ITPR2: variants seen among roughly 807,000 people sequenced by gnomAD.
ITPR2 encodes inositol 1,4,5-trisphosphate receptor type 2, also known as inositol 1,4,5-trisphosphate-gated calcium channel ITPR2.
ITPR2 carries 207 observed loss-of-function variants against 317.1 expected under a neutral mutation model. That is an observed-to-expected ratio of 0.65 (90% CI 0.58 to 0.73). The LOEUF (loss-of-function observed/expected upper bound fraction) is 0.73. Ranked by LOEUF, ITPR2 falls within the 30% of genes least tolerant of loss-of-function variation. ITPR2 has a pLI of 0.00. For missense variants in ITPR2, 2,613 were observed against 3,284.0 expected (o/e 0.80, Z 4.99); for synonymous variants, 1,156 against 1,149.1 (o/e 1.01, Z -0.12).
At chr12:26,599,442 T>C (rs1945938179) in intron 29 of ITPR2, 97 bp from the exon 30 acceptor site, 4 of 1,079,394 alleles carry the variant, frequency 3.7e-6, no homozygotes, top group Admixed American at 3.8e-5. Context: ...CAGTTTTATA[T>C]TTTATACGAA....
intron 2 of ITPR2, among the ~76,000 whole-genome samples, chr12:26,758,367 A>G (rs1949565394): frequency 6.6e-6 from 1 of 152,114 alleles, no homozygotes; most frequent in African/African-American, 2.4e-5. Flanking sequence ...TCATTTCCCC[A>G]TTTAGTTTAT....
chr12:26,567,948 TATTATATA>T (rs1182405770), intron 34 of ITPR2, among the ~76,000 whole-genome samples: 9 of 32,248 alleles, frequency 2.8e-4, no homozygotes, highest in African/African-American at 8.3e-4. Context: ...TATATATATA[TATTATATA>T]TATATATATA....
intron 2 of ITPR2, among the ~76,000 whole-genome samples, chr12:26,775,505 C>A (rs1346528724): frequency 6.6e-6 from 1 of 152,060 alleles, no homozygotes; most frequent in African/African-American, 2.4e-5. Context: ...TGACTAAAAG[C>A]AGGAGGAGAG....
At chr12:26,596,819 C>T in intron 31 of ITPR2, 64 bp downstream of exon 31, 1 of 1,386,380 alleles carries the variant, frequency 7.2e-7, no homozygotes, top group South Asian at 1.6e-5. Flanking sequence ...ACTTCTGGCA[C>T]CTAGATAAAC....
intron 32 of ITPR2, among the ~76,000 whole-genome samples, chr12:26,580,561 T>A (rs772123005): frequency 6.6e-6 from 1 of 152,064 alleles, no homozygotes; most frequent in Non-Finnish European, 1.5e-5. Flanking sequence ...AGTTAGTAAC[T>A]CCAAACATTT....
chr12:26,462,486 T>C (rs1336873518), intron 45 of ITPR2, among the ~76,000 whole-genome samples: 4 of 152,068 alleles, frequency 2.6e-5, no homozygotes, highest in Non-Finnish European at 4.4e-5. Context: ...AGTGTTGGGA[T>C]TATAGGCGTG....
chr12:26,588,115 T>G (rs1487301578), intron 32 of ITPR2, among the ~76,000 whole-genome samples: 2 of 152,168 alleles, frequency 1.3e-5, no homozygotes, highest in Non-Finnish European at 2.9e-5. Flanking sequence ...TGGGAATGAA[T>G]AAAGAGTTTG....
chr12:26,512,979 G>A (rs1006076808), intron 37 of ITPR2, among the ~76,000 whole-genome samples: 5 of 151,700 alleles, frequency 3.3e-5, no homozygotes, highest in South Asian at 2.1e-4. Flanking sequence ...CCACCAACTC[G>A]AGTAGCTGGG....
intron 2 of ITPR2, among the ~76,000 whole-genome samples, chr12:26,766,461 A>G (rs1299647566): frequency 1.3e-5 from 2 of 151,940 alleles, no homozygotes; most frequent in African/African-American, 2.4e-5. Flanking sequence ...CCATTTTTCA[A>G]TTGGGTTGTC....
intron 31 of ITPR2, 29 bp downstream of exon 31, chr12:26,596,854 T>C (rs761703159): frequency 4.0e-6 from 6 of 1,509,520 alleles, no homozygotes; most frequent in Non-Finnish European, 5.3e-6. Flanking sequence ...ATGATTCTAT[T>C]AGAGCTGCTA....
At position 26,494,208 on chromosome 12, in the gene ITPR2, G is replaced by A. The variant is rs1942879998; in HGVS notation, c.5315C>T (p.Ser1772Leu). 6.2e-7 allele frequency: 1 copy of A among 1,612,756 alleles called. No homozygotes were observed. Among genetic ancestry groups the A allele is most frequent in the African/African-American group, 1.3e-5 (1 of 74,748 alleles). Residue 1772 changes from serine to leucine, a missense_variant, in exon 39 of 57, where the codon TCA becomes TTA. By Grantham distance (145) the Ser-to-Leu change is moderately radical. This residue lies in a region of ITPR2 where 926 missense variants were observed against 1,072.8 expected (regional missense o/e 0.86). Coordinates refer to ENST00000381340, the MANE Select transcript of ITPR2 (RefSeq NM_002223.4). Reference sequence around the variant, plus strand: ...GGCAATGCCGAGGAAAATGCCTTCTGAAAAAATTCTGTCATTTTTGGTGTT... The same window carrying A: ...GGCAATGCCGAGGAAAATGCCTTCTAAAAAAATTCTGTCATTTTTGGTGTT... ...IVNTKNDRIF[S>L]EGIFLGIALL...
At position 26,657,691 on chromosome 12, in the gene ITPR2, G is replaced by T. The variant is rs1365532228; in HGVS notation, c.2192+16C>A. On this transcript the variant is annotated intron_variant, in intron 18 of 56. Transcript: ENST00000381340. ...TGAGACTGGGAATTATTGTAAGATT[G>T]TCTATAATACTTAACCTGTAATAGG... 1.2e-6 allele frequency: 2 copies of T among 1,604,432 alleles called. No individual in the cohort carries two copies. The highest frequency in any genetic ancestry group is 1.7e-6 in the Non-Finnish European group (2 of 1,172,206).
At chr12:26,436,377 C>T in intron 47 of ITPR2, 31 bp from the exon 48 acceptor site, 1 of 1,579,342 alleles carries the variant, frequency 6.3e-7, no homozygotes, top group Non-Finnish European at 8.6e-7. Context: ...AGGAACTGAA[C>T]AGGAAAATAC....
rs1945037024 is a variant in ITPR2, at chr12:26,567,984, A to ATATATATATATAT, written c.4631-6045_4631-6033dup. 1.9e-4 allele frequency among the ~76,000 whole-genome samples: 2 copies of ATATATATATATAT among 10,798 alleles called. 1 individual carries two copies. Among genetic ancestry groups the ATATATATATATAT allele is most frequent in the African/African-American group, 4.9e-4 (2 of 4,098 alleles). The allele number at this position is 10,798 out of a possible 152,430, so 7.1% of individuals were successfully genotyped here. ...TATATATATATTATATATATTATATATATATATATATATTATATATATTAT... is the reference window on the plus strand; with the variant it reads ...TATATATATATTATATATATTATATATATATATATATATTATATATATATATTATATATATTAT... On this transcript the variant is annotated intron_variant, in intron 34 of 56. Coordinates refer to ENST00000381340, the MANE Select transcript of ITPR2 (RefSeq NM_002223.4).
At chr12:26,559,734 T>C (rs1190390460) in intron 35 of ITPR2, among the ~76,000 whole-genome samples, 4 of 152,224 alleles carry the variant, frequency 2.6e-5, no homozygotes, top group Non-Finnish European at 5.9e-5. Context: ...TGGGCTTTTC[T>C]TGGATCTTCA....
intron 2 of ITPR2, among the ~76,000 whole-genome samples, chr12:26,772,441 T>G (rs559807020): frequency 9.9e-6 from 1 of 101,262 alleles, no homozygotes; most frequent in Non-Finnish European, 2.0e-5. Context: ...AATACATGTA[T>G]TATATATATT....
chr12:26,376,186 T>C (rs570952565), intron 55 of ITPR2, among the ~76,000 whole-genome samples: 1 of 152,364 alleles, frequency 6.6e-6, no homozygotes, highest in East Asian at 1.9e-4. Flanking sequence ...TATACTCAGT[T>C]TTGTATTAGA....
chr12:26,414,046 T>C (rs865851136), intron 51 of ITPR2, among the ~76,000 whole-genome samples: 2,542 of 59,466 alleles, frequency 0.043, 89 homozygotes, highest in East Asian at 0.32. Context: ...TACATGTATA[T>C]ATGTACACAC....
At chr12:26,784,553 G>C (rs1950174779) in intron 2 of ITPR2, among the ~76,000 whole-genome samples, 1 of 151,464 alleles carries the variant, frequency 6.6e-6, no homozygotes, top group South Asian at 2.1e-4. Flanking sequence ...TGTGTTGGCC[G>C]GGCTGGTCTC....
Sources: allele counts gnomAD v4.1 joint callset (sites outside exome capture counted in the v4.1 genomes callset), GRCh38; gene constraint gnomAD v4.1.1; regional missense constraint gnomAD v4.1.1; transcripts MANE v1.5; gene names NCBI Gene and HGNC (gene_info 2026-07-23, HGNC 2026-07-21).